The following NSF variants were observed in gnomAD, a reference collection of about 807,000 sequenced individuals.
The protein encoded by NSF is vesicle-fusing ATPase.
Under a neutral mutation model 50.3 loss-of-function variants are expected in NSF, and 14 were observed. That is an observed-to-expected ratio of 0.28 (90% CI 0.18 to 0.44). The LOEUF (loss-of-function observed/expected upper bound fraction) is 0.44, where lower values mean the gene tolerates loss of function less well. Among genes scored for constraint, NSF ranks in the 20% least tolerant of loss-of-function variants. NSF has a pLI of 1.00. For missense variants in NSF, 218 were observed against 504.3 expected, an observed-to-expected ratio of 0.43 and a Z score of 5.44; for synonymous variants, 109 against 175.7, an observed-to-expected ratio of 0.62 and a Z score of 3.00.
chr17:46,708,114 G>A (rs899150832), intron 13 of NSF, among the ~76,000 whole-genome samples: 3 of 151,734 alleles, frequency 2.0e-5, no homozygotes, highest in African/African-American at 7.3e-5. Context: ...CCAGGCTTCT[G>A]CCACGTTTTG....
intron 15 of NSF, among the ~76,000 whole-genome samples, chr17:46,723,426 C>T (rs544239054): frequency 1.2e-4 from 19 of 152,262 alleles, no homozygotes; most frequent in African/African-American, 4.1e-4. Context: ...AGCAAAGAAC[C>T]GCTGTAGAAC....
intron 8 of NSF, among the ~76,000 whole-genome samples, chr17:46,657,408 G>T (rs1374121082): frequency 1.3e-5 from 2 of 152,220 alleles, no homozygotes; most frequent in African/African-American, 4.8e-5. Context: ...AAGAGACTTG[G>T]AGTCTAGTTT....
At position 46,704,755 on chromosome 17, in the gene NSF, T is replaced by C; in HGVS notation, c.1375-4T>C. 1 of 1,604,832 alleles carries C rather than the reference T, an allele frequency of 6.2e-7. No individual in the cohort carries two copies. Among genetic ancestry groups the C allele is most frequent in the South Asian group, 1.1e-5 (1 of 88,898 alleles). On this transcript the variant is annotated splice_polypyrimidine_tract_variant and splice_region_variant and intron_variant, in intron 12 of 20. Coordinates refer to ENST00000398238, the MANE Select transcript of NSF (RefSeq NM_006178.4). ...CCTTACATTTTGTTTTTATCTCTTC[T>C]TAGGCCAGTACTAAAGTGGAAGTGG...
chr17:46,748,113 A>G (rs1324495878), intron 17 of NSF, among the ~76,000 whole-genome samples: 1 of 152,018 alleles, frequency 6.6e-6, no homozygotes, highest in Admixed American at 6.6e-5. Flanking sequence ...TTATTTATTT[A>G]TTTATTTTTT....
At chr17:46,717,580 A>G (rs1346037496) in intron 15 of NSF, among the ~76,000 whole-genome samples, 2 of 152,102 alleles carry the variant, frequency 1.3e-5, no homozygotes, top group African/African-American at 4.8e-5. Context: ...GCATGATGGC[A>G]TGTGCCCTGT....
intron 15 of NSF, among the ~76,000 whole-genome samples, chr17:46,720,924 A>C (rs2058823532): frequency 6.6e-6 from 1 of 152,166 alleles, no homozygotes; most frequent in Non-Finnish European, 1.5e-5. Context: ...TAATGGAACT[A>C]ATGCTGGTGT....
intron 1 of NSF, among the ~76,000 whole-genome samples, chr17:46,605,480 G>C (rs2057947321): frequency 6.7e-6 from 1 of 148,564 alleles, no homozygotes; most frequent in Non-Finnish European, 1.5e-5. Context: ...AGAGAAAAAA[G>C]ATATTACCTT....
chr17:46,728,314 A>G (rs562680487), intron 16 of NSF, among the ~76,000 whole-genome samples: 1 of 152,244 alleles, frequency 6.6e-6, no homozygotes, highest in Middle Eastern at 3.4e-3. Context: ...TTCTAACATC[A>G]TGTTTTAATA....
At chr17:46,721,378 C>T (rs966935627) in intron 15 of NSF, among the ~76,000 whole-genome samples, 2 of 152,190 alleles carry the variant, frequency 1.3e-5, no homozygotes, top group African/African-American at 4.8e-5. Flanking sequence ...TGATGCCACT[C>T]TTTCCCACAT....
intron 19 of NSF, among the ~76,000 whole-genome samples, chr17:46,751,915 A>G (rs1045395620): frequency 6.6e-6 from 1 of 152,124 alleles, no homozygotes; most frequent in Non-Finnish European, 1.5e-5. Flanking sequence ...CTGCCCCCTC[A>G]TTTTGGAGAT....
rs2058926371 is a variant in NSF, at chr17:46,729,385, A to G, written c.1908+451A>G. On this transcript the variant is annotated intron_variant, in intron 17 of 20. Coordinates refer to ENST00000398238, the MANE Select transcript of NSF (RefSeq NM_006178.4). ...GCAGTTAAAAAACTATTTTTAACAG[A>G]TGATCTTGAGTTATTTTTCTTGGGT... is the stretch of plus-strand genomic sequence containing the variant. Among the ~76,000 whole-genome samples, 3 of 152,168 alleles carry G rather than the reference A, an allele frequency of 2.0e-5. No homozygotes were observed. In the South Asian group the frequency reaches 6.2e-4, roughly 32 times the overall value.
chr17:46,676,357 C>T, intron 9 of NSF, among the ~76,000 whole-genome samples: 1 of 135,988 alleles, frequency 7.4e-6, no homozygotes, highest in Non-Finnish European at 1.5e-5. Context: ...CTCAGCCTCC[C>T]CAGTAGCTGG....
intron 16 of NSF, 122 bp downstream of exon 16, chr17:46,726,737 C>T (rs2058893344): frequency 2.3e-6 from 2 of 871,940 alleles, no homozygotes; most frequent in African/African-American, 3.3e-5. Flanking sequence ...CTTTCTTTGT[C>T]TTACAAGGAA....
At position 46,728,867 on chromosome 17, in the gene NSF, T is replaced by C. The variant is rs1475902861; in HGVS notation, c.1841T>C (p.Ile614Thr). The change falls in exon 17 of 21, where the codon ATT (isoleucine) becomes ACT (threonine). Residue 614 changes from isoleucine to threonine, a missense_variant. Coordinates refer to ENST00000398238, the MANE Select transcript of NSF (RefSeq NM_006178.4). ...DIERLLDYVP[I>T]GPRFSNLVLQ... is the part of the protein sequence containing the mutation. ...GTTTCTTTTCCAGATTACGTCCCTA[T>C]TGGCCCTCGATTTTCAAATCTTGTA... 6.2e-7 allele frequency: 1 copy of C among 1,608,344 alleles called. No homozygotes were observed. The highest frequency in any genetic ancestry group is 8.5e-7 in the Non-Finnish European group (1 of 1,177,016).
intron 17 of NSF, among the ~76,000 whole-genome samples, chr17:46,744,835 G>A (rs1332234809): frequency 2.0e-5 from 3 of 152,002 alleles, no homozygotes; most frequent in African/African-American, 7.3e-5. Context: ...CCTTTTTCAT[G>A]GAAATGTTTT....
At chr17:46,732,308 A>T (rs2058957095) in intron 17 of NSF, among the ~76,000 whole-genome samples, 2 of 152,114 alleles carry the variant, frequency 1.3e-5, no homozygotes, top group African/African-American at 4.8e-5. Context: ...CAGGGGCACT[A>T]TGTTGTTATG....
intron 1 of NSF, among the ~76,000 whole-genome samples, chr17:46,621,411 C>T (rs1350027395): frequency 1.6e-5 from 2 of 124,090 alleles, no homozygotes; most frequent in East Asian, 2.4e-4. Context: ...CTCAGCCTCC[C>T]AAGTAGCTGG....
chr17:46,666,077 G>A (rs1292874359), intron 8 of NSF, among the ~76,000 whole-genome samples: 2 of 150,974 alleles, frequency 1.3e-5, no homozygotes, highest in African/African-American at 4.9e-5. Flanking sequence ...GGCAGTGACC[G>A]CTTTCCAATG....
chr17:46,734,776 G>T (rs1568053357), intron 17 of NSF, among the ~76,000 whole-genome samples: 1 of 152,112 alleles, frequency 6.6e-6, no homozygotes, highest in Non-Finnish European at 1.5e-5. Flanking sequence ...AGTGAAATAG[G>T]CCAGACATTG....
Sources: allele counts gnomAD v4.1 joint callset (sites outside exome capture counted in the v4.1 genomes callset), GRCh38; gene constraint gnomAD v4.1.1; transcripts MANE v1.5; gene names NCBI Gene and HGNC (gene_info 2026-07-23, HGNC 2026-07-21).